The following CDH12 variants were observed in gnomAD, a reference collection of about 807,000 sequenced individuals.
The protein encoded by CDH12 is cadherin-12.
In CDH12, 41 loss-of-function variants were observed where a neutral mutation model predicts 74.1. The observed-to-expected ratio is 0.55, with a 90% CI of 0.43 to 0.72. The LOEUF is 0.72. CDH12 is among the 30% of genes least tolerant of loss of function. The pLI is 0.00. For synonymous variants in CDH12, 399 were observed against 355.0 expected, an observed-to-expected ratio of 1.12 and a Z score of -1.39; for missense variants, 945 against 977.2, an observed-to-expected ratio of 0.97 and a Z score of 0.44.
intron 1 of CDH12, among the ~76,000 whole-genome samples, chr5:22,683,500 A>C (rs1048178290): frequency 6.6e-6 from 1 of 152,212 alleles, no homozygotes; most frequent in East Asian, 1.9e-4. Context: ...TTATGCTTAT[A>C]ACAGATATAT....
chr5:22,555,509 T>C (rs1321186331), intron 1 of CDH12, among the ~76,000 whole-genome samples: 1 of 152,000 alleles, frequency 6.6e-6, no homozygotes, highest in Non-Finnish European at 1.5e-5. Context: ...AAGGACAAAA[T>C]GTTGCAAAAC....
intron 6 of CDH12, among the ~76,000 whole-genome samples, chr5:21,880,635 C>CTT (rs1295022397): frequency 1.0e-5 from 1 of 98,910 alleles, no homozygotes; most frequent in African/African-American, 3.7e-5. Context: ...TTCTTTCTTT[C>CTT]TTTCTTTCTT....
intron 1 of CDH12, among the ~76,000 whole-genome samples, chr5:22,569,669 A>C (rs1243886066): frequency 6.6e-6 from 1 of 152,186 alleles, no homozygotes; most frequent in Non-Finnish European, 1.5e-5. Context: ...CCATTTTATT[A>C]GATTATCCAT....
chr5:22,015,318 C>T lies in CDH12; in HGVS notation c.232-39933G>A, dbSNP rs141086101. 4.2e-3 allele frequency among the ~76,000 whole-genome samples: 634 copies of T among 152,124 alleles called. 7 individuals are homozygous for T. Among genetic ancestry groups the T allele is most frequent in the African/African-American group, 0.015 (608 of 41,510 alleles). On this transcript the variant is annotated intron_variant, in intron 5 of 14. Coordinates refer to ENST00000382254, the MANE Select transcript of CDH12 (RefSeq NM_004061.5). ...GTGGTTTTTTTCACTGAAAATAATG[C>T]TTTTAAATTTCAGAATACAACAGCT...
At chr5:22,394,685 C>T (rs944383379) in intron 3 of CDH12, among the ~76,000 whole-genome samples, 8 of 152,082 alleles carry the variant, frequency 5.3e-5, no homozygotes, top group Non-Finnish European at 8.8e-5. Flanking sequence ...ACAATTTCTG[C>T]CTTTTGGAAT....
At chr5:22,561,887 A>T (rs559067999) in intron 1 of CDH12, among the ~76,000 whole-genome samples, 1 of 152,344 alleles carries the variant, frequency 6.6e-6, no homozygotes, top group African/African-American at 2.4e-5. Flanking sequence ...AATATTAAGT[A>T]TCTATTAAAT....
intron 4 of CDH12, among the ~76,000 whole-genome samples, chr5:22,098,993 A>G (rs893409145): frequency 5.9e-5 from 9 of 151,950 alleles, no homozygotes; most frequent in South Asian, 2.1e-4. Context: ...CTACTCCTCA[A>G]GGATTATTCA....
At chr5:22,659,772 A>G (rs1473611382) in intron 1 of CDH12, among the ~76,000 whole-genome samples, 1 of 152,090 alleles carries the variant, frequency 6.6e-6, no homozygotes, top group Non-Finnish European at 1.5e-5. Flanking sequence ...CTATACACAT[A>G]CACACAGTTT....
chr5:22,333,422 C>A (rs1739430702), intron 3 of CDH12, among the ~76,000 whole-genome samples: 1 of 152,064 alleles, frequency 6.6e-6, no homozygotes, highest in Non-Finnish European at 1.5e-5. Context: ...TCATGACACA[C>A]ATGTAACTAT....
chr5:22,094,737 C>A (rs535061805), intron 4 of CDH12, among the ~76,000 whole-genome samples: 138 of 152,270 alleles, frequency 9.1e-4, no homozygotes, highest in Non-Finnish European at 1.4e-3. Flanking sequence ...GCCATCATAT[C>A]CCCTGTGACC....
intron 11 of CDH12, among the ~76,000 whole-genome samples, chr5:21,770,584 C>T (rs1745268531): frequency 1.3e-5 from 2 of 149,952 alleles, no homozygotes; most frequent in Non-Finnish European, 3.0e-5. Context: ...TGCCATTGCA[C>T]TCCAGCTTGG....
chr5:22,072,059 A>C (rs1741974784), intron 5 of CDH12, among the ~76,000 whole-genome samples: 1 of 152,014 alleles, frequency 6.6e-6, no homozygotes, highest in African/African-American at 2.4e-5. Flanking sequence ...TACTTCCTAC[A>C]CAAGCCTATT....
Position 22,513,764 on chromosome 5 carries a change from G to A in CDH12, c.-522-8400C>T, listed in dbSNP as rs890714260. ...AGTTTGAGACCAGTCTAGCCAACACGGTGAAACCCCATCTCTACTAAAAAT... is the reference window on the plus strand; with the variant it reads ...AGTTTGAGACCAGTCTAGCCAACACAGTGAAACCCCATCTCTACTAAAAAT... On this transcript the variant is annotated intron_variant, in intron 1 of 14. Transcript: ENST00000382254. Among the ~76,000 whole-genome samples, 4 of 151,890 alleles carry A rather than the reference G, an allele frequency of 2.6e-5. No individual in the cohort carries two copies. In the East Asian group the frequency reaches 5.8e-4, roughly 22 times the overall value.
At chr5:22,741,642 A>G (rs952775771) in intron 1 of CDH12, among the ~76,000 whole-genome samples, 22 of 152,272 alleles carry the variant, frequency 1.4e-4, no homozygotes, top group African/African-American at 5.3e-4. Flanking sequence ...GATCCAGCAG[A>G]TGGAAGAGTA....
At chr5:21,793,322 T>C (rs577252917) in intron 10 of CDH12, among the ~76,000 whole-genome samples, 1 of 151,678 alleles carries the variant, frequency 6.6e-6, no homozygotes, top group Non-Finnish European at 1.5e-5. Flanking sequence ...ATACAGGGAG[T>C]TTTTTTCAAG....
chr5:22,375,480 C>T (rs891546241), intron 3 of CDH12, among the ~76,000 whole-genome samples: 1 of 152,004 alleles, frequency 6.6e-6, no homozygotes, highest in South Asian at 2.1e-4. Context: ...AGCTTCTACA[C>T]AGCAGAGAGA....
intron 4 of CDH12, among the ~76,000 whole-genome samples, chr5:22,089,389 G>A (rs1040614420): frequency 1.3e-5 from 2 of 152,234 alleles, no homozygotes; most frequent in Admixed American, 6.5e-5. Context: ...AGTTATTGAA[G>A]GAGCCTAGAC....
chr5:22,164,503 T>C (rs1296352947), intron 4 of CDH12, among the ~76,000 whole-genome samples: 1 of 152,040 alleles, frequency 6.6e-6, no homozygotes, highest in Non-Finnish European at 1.5e-5. Flanking sequence ...ACAGCAGTGG[T>C]GGACAGCGAG....
chr5:22,228,796 T>C (rs1580426173), intron 3 of CDH12, among the ~76,000 whole-genome samples: 1 of 130,592 alleles, frequency 7.7e-6, no homozygotes, highest in East Asian at 2.3e-4. Flanking sequence ...ATTTATTATG[T>C]TCTAAAAAAA....
Sources: allele counts gnomAD v4.1 joint callset (sites outside exome capture counted in the v4.1 genomes callset), GRCh38; gene constraint gnomAD v4.1.1; transcripts MANE v1.5; gene names NCBI Gene and HGNC (gene_info 2026-07-23, HGNC 2026-07-21).